Variants in LIMA1 observed in about 807,000 individuals in gnomAD.
LIMA1 encodes LIM domain and actin binding 1.
A neutral mutation model predicts 62.6 loss-of-function variants in LIMA1; 52 were observed. That is an observed-to-expected ratio of 0.83 (90% confidence interval 0.67 to 1.05). LIMA1 has a LOEUF of 1.05. LIMA1 is among the 50% of genes least tolerant of loss of function. The pLI is 0.00. For synonymous variants in LIMA1, 302 were observed against 317.8 expected, an observed-to-expected ratio of 0.95 and a Z score of 0.53; for missense variants, 780 against 902.2, an observed-to-expected ratio of 0.86 and a Z score of 1.74.
At chr12:50,279,333 A>T (rs1016608034) in intron 1 of LIMA1, among the ~76,000 whole-genome samples, 2 of 149,832 alleles carry the variant, frequency 1.3e-5, no homozygotes, top group Admixed American at 1.3e-4. Context: ...TATAATAAAC[A>T]TATATAATTT....
intron 1 of LIMA1, among the ~76,000 whole-genome samples, chr12:50,252,579 CAAAAAAAAAA>C (rs397936373): frequency 6.8e-5 from 4 of 59,018 alleles, no homozygotes; most frequent in South Asian, 7.7e-4. Flanking sequence ...GAAACTGTCT[CAAAAAAAAAA>C]AAAAAAAAAA....
At position 50,222,391 on chromosome 12, in the gene LIMA1, G is replaced by C. The variant is rs371640954; in HGVS notation, c.260C>G (p.Thr87Arg). 2.2e-5 allele frequency: 35 copies of C among 1,613,986 alleles called. No homozygotes were observed. In the African/African-American group the frequency reaches 4.7e-4, roughly 22 times the overall value. The change falls in exon 4 of 11, where the codon ACA becomes AGA. Residue 87 changes from threonine to arginine, a missense_variant. Physicochemically the swap from Thr to Arg is moderately conservative, Grantham distance 71. Coordinates refer to ENST00000341247, the MANE Select transcript of LIMA1 (RefSeq NM_016357.5). The stretch of plus-strand genomic sequence containing the variant: ...AGTGCTGCTGTTCCGTAGAGAGTCT[G>C]TGTGAGACTCTGCTCCCAGCCCTGG... ...ENPGLGAESH[T>R]DSLRNSSTEI...
Position 50,207,832 on chromosome 12 carries a change from G to T in LIMA1, c.631-1764C>A, listed in dbSNP as rs111801173. Among the ~76,000 whole-genome samples the T allele has an allele frequency of 2.8e-3, 418 of 151,648 alleles. 3 individuals are homozygous for T. Among genetic ancestry groups the T allele is most frequent in the African/African-American group, 9.3e-3 (386 of 41,286 alleles). On this transcript the variant is annotated intron_variant, in intron 4 of 10. Coordinates refer to ENST00000341247, the MANE Select transcript of LIMA1 (RefSeq NM_016357.5). Reference sequence around the variant, plus strand: ...TTGAACCAGGGGGGCAGAGGTTGCAGGGAGCAGAGATCGCTCCACTGCACT... The same window carrying T: ...TTGAACCAGGGGGGCAGAGGTTGCATGGAGCAGAGATCGCTCCACTGCACT...
chr12:50,178,970 T>C (rs199984708), intron 10 of LIMA1, among the ~76,000 whole-genome samples: 1 of 147,984 alleles, frequency 6.8e-6, no homozygotes, highest in Non-Finnish European at 1.5e-5. Context: ...ATATATATTT[T>C]TTTTTTCTTT....
At chr12:50,277,629 A>T (rs989730172) in intron 1 of LIMA1, among the ~76,000 whole-genome samples, 1 of 151,994 alleles carries the variant, frequency 6.6e-6, no homozygotes. Flanking sequence ...CTCAAATAGC[A>T]CCCTTTCCAT....
chr12:50,177,961 G>A lies in LIMA1; in HGVS notation c.1383C>T (p.His461=). Residue 461 remains histidine (H), a synonymous_variant, in exon 11 of 11, where the codon CAC becomes CAT. Transcript: ENST00000341247. ...NYDEGFGHRP[H]KDLWASKNEN... ...CATTTTTGCTTGCCCATAGATCCTTGTGTGGTCTGTGCCCAAAGCCTTCAT... is the reference window on the plus strand; with the variant it reads ...CATTTTTGCTTGCCCATAGATCCTTATGTGGTCTGTGCCCAAAGCCTTCAT... 1 of 1,613,628 alleles carries A rather than the reference G, an allele frequency of 6.2e-7. No individual in the cohort carries two copies.
intron 1 of LIMA1, among the ~76,000 whole-genome samples, chr12:50,249,045 G>T (rs1461910724): frequency 6.6e-6 from 1 of 152,338 alleles, no homozygotes; most frequent in African/African-American, 2.4e-5. Flanking sequence ...TCCCTGAACT[G>T]AAGTCTGTTC....
At chr12:50,264,862 A>T (rs552366227) in intron 1 of LIMA1, among the ~76,000 whole-genome samples, 1 of 152,340 alleles carries the variant, frequency 6.6e-6, no homozygotes, top group East Asian at 1.9e-4. Context: ...GTGATTAAAA[A>T]TAATTCATGG....
chr12:50,180,026 C>T (rs576163144), intron 10 of LIMA1, among the ~76,000 whole-genome samples: 58 of 151,070 alleles, frequency 3.8e-4, no homozygotes, highest in African/African-American at 1.2e-3. Flanking sequence ...ATTGGCCAGG[C>T]GTGGTTGCTC....
chr12:50,259,035 T>G (rs1268100643), intron 1 of LIMA1, among the ~76,000 whole-genome samples: 1 of 152,248 alleles, frequency 6.6e-6, no homozygotes, highest in Non-Finnish European at 1.5e-5. Flanking sequence ...CCCTCTTGGC[T>G]TATTTATAAC....
intron 2 of LIMA1, among the ~76,000 whole-genome samples, chr12:50,244,072 C>T (rs746202830): frequency 5.3e-5 from 8 of 149,576 alleles, no homozygotes; most frequent in Non-Finnish European, 8.9e-5. Flanking sequence ...GCACCACCAC[C>T]GCCCAGCTAA....
chr12:50,191,369 A>AC (rs1160337886), intron 9 of LIMA1: 4 of 150,178 alleles, frequency 2.7e-5, no homozygotes, highest in African/African-American at 7.4e-5. Flanking sequence ...CTTAAAAAAA[A>AC]AAAAAAAAAA....
intron 2 of LIMA1, among the ~76,000 whole-genome samples, chr12:50,235,829 G>A (rs11169332): frequency 0.37 from 56,135 of 151,964 alleles, 11,069 homozygotes; most frequent in South Asian, 0.49. Context: ...CTACTAATAA[G>A]CAGGAAAATG....
intron 1 of LIMA1, among the ~76,000 whole-genome samples, chr12:50,258,639 CTTTTTT>C (rs34324226): frequency 1.5e-5 from 1 of 67,384 alleles, no homozygotes; most frequent in African/African-American, 7.9e-5. Flanking sequence ...TCTACCTATA[CTTTTTT>C]TTTTTTTTTT....
At chr12:50,237,742 A>G (rs1941716641) in intron 2 of LIMA1, among the ~76,000 whole-genome samples, 1 of 152,218 alleles carries the variant, frequency 6.6e-6, no homozygotes, top group Admixed American at 6.5e-5. Flanking sequence ...AAAGACAGAT[A>G]TACAGACCAA....
intron 4 of LIMA1, among the ~76,000 whole-genome samples, chr12:50,206,639 A>C (rs79969905): frequency 0.017 from 2,630 of 152,278 alleles, 79 homozygotes; most frequent in African/African-American, 0.06. Flanking sequence ...TTAAACTCGA[A>C]GTGCTTAGTA....
At chr12:50,203,374 C>T (rs116041065) in intron 6 of LIMA1, among the ~76,000 whole-genome samples, 3,487 of 151,658 alleles carry the variant, frequency 0.023, 128 homozygotes, top group African/African-American at 0.08. Context: ...CACAGGACAA[C>T]GTAAAGGGGA....
intron 1 of LIMA1, among the ~76,000 whole-genome samples, chr12:50,261,451 C>CA (rs915314132): frequency 6.6e-6 from 1 of 152,028 alleles, no homozygotes; most frequent in Non-Finnish European, 1.5e-5. Context: ...TAGGTATGCT[C>CA]AAGTTATTTC....
intron 1 of LIMA1, among the ~76,000 whole-genome samples, chr12:50,266,835 T>G (rs1565863987): frequency 1.3e-5 from 2 of 152,240 alleles, no homozygotes; most frequent in Non-Finnish European, 2.9e-5. Flanking sequence ...TAGTTTTCAC[T>G]CCTTTAATCA....
Sources: gnomAD v4.1 joint callset for allele counts (sites outside exome capture counted in the v4.1 genomes callset) on GRCh38, gnomAD v4.1.1 for gene constraint, MANE v1.5 for transcripts, NCBI Gene and HGNC (gene_info 2026-07-23, HGNC 2026-07-21) for gene names.